EFL1: variants seen among roughly 807,000 people sequenced by gnomAD.
EFL1 encodes elongation factor-like GTPase 1.
In EFL1, 76 loss-of-function variants were observed where a neutral mutation model predicts 126.7. That is an observed-to-expected ratio of 0.60 (90% CI 0.50 to 0.73). EFL1 has a LOEUF of 0.73. EFL1 is among the 30% of genes least tolerant of loss of function. The pLI is 0.00. For synonymous variants in EFL1, 410 were observed against 448.4 expected, an observed-to-expected ratio of 0.91 and a Z score of 1.08; for missense variants, 1,128 against 1,343.2, an observed-to-expected ratio of 0.84 and a Z score of 2.50.
chr15:82,163,579 C>T (rs969502398), intron 16 of EFL1, among the ~76,000 whole-genome samples: 16 of 152,228 alleles, frequency 1.1e-4, no homozygotes, highest in African/African-American at 3.4e-4. Context: ...CTTTGCTAAG[C>T]TACAATCCTA....
At chr15:82,185,603 C>T (rs1439165904) in intron 15 of EFL1, among the ~76,000 whole-genome samples, 4 of 151,906 alleles carry the variant, frequency 2.6e-5, no homozygotes, top group Admixed American at 2.0e-4. Flanking sequence ...CTATAAAAAG[C>T]TTTTACCAAT....
At chr15:82,237,532 TG>T (rs1180224403) in intron 7 of EFL1, among the ~76,000 whole-genome samples, 2 of 152,170 alleles carry the variant, frequency 1.3e-5, no homozygotes, top group Non-Finnish European at 2.9e-5. Flanking sequence ...TTGGAGAAAC[TG>T]GATCACTCAC....
chr15:82,259,675 G>A (rs1002969431), intron 2 of EFL1, among the ~76,000 whole-genome samples: 1 of 152,162 alleles, frequency 6.6e-6, no homozygotes, highest in African/African-American at 2.4e-5. Context: ...TTATTAAGCA[G>A]ACTACATACA....
At chr15:82,195,427 C>T (rs1038959326) in intron 15 of EFL1, among the ~76,000 whole-genome samples, 4 of 152,166 alleles carry the variant, frequency 2.6e-5, no homozygotes, top group Non-Finnish European at 4.4e-5. Flanking sequence ...CACCCAACCT[C>T]GTTGCCTACT....
At position 82,214,715 on chromosome 15, in the gene EFL1, A is replaced by G. The variant is rs769190732; in HGVS notation, c.1750+2T>C. 1 of 1,552,788 alleles carries G rather than the reference A, an allele frequency of 6.4e-7. No homozygotes were observed. Among genetic ancestry groups the G allele is most frequent in the African/African-American group, 1.4e-5 (1 of 72,326 alleles). ...AGGATAAAATAAACAGCATCACCCT[A>G]CCTAGCACATTTCCTGGAGGTACCT... is the stretch of plus-strand genomic sequence containing the variant. On this transcript the variant is annotated splice_donor_variant, in intron 15 of 19. Coordinates refer to ENST00000268206, the MANE Select transcript of EFL1 (RefSeq NM_024580.6). LOFTEE classifies it high-confidence loss of function.
Position 82,259,106 on chromosome 15 carries a change from G to A in EFL1, c.141C>T (p.Ser47=), listed in dbSNP as rs2075090829. 1 of 1,613,968 alleles carries A rather than the reference G, an allele frequency of 6.2e-7. No homozygotes were observed. The highest frequency in any genetic ancestry group is 1.1e-5 in the South Asian group (1 of 91,054). ...DCLISSNGII[S]SRLAGKLRYM... ...AACATACCTTGCCTGCTAGGCGGCTGGAGATGATTCCATTGCTAGATATAA... is the reference window on the plus strand; with the variant it reads ...AACATACCTTGCCTGCTAGGCGGCTAGAGATGATTCCATTGCTAGATATAA... The change falls in exon 3 of 20, where the codon TCC becomes TCT. Residue 47 remains serine (S), a synonymous_variant. Transcript: ENST00000268206.
At position 82,230,948 on chromosome 15, in the gene EFL1, T is replaced by C. The variant is rs370516700; in HGVS notation, c.755A>G (p.Tyr252Cys). The C allele has an allele frequency of 6.2e-7, 1 of 1,612,998 alleles. No homozygotes were observed. The highest frequency in any genetic ancestry group is 1.7e-5 in the Admixed American group (1 of 59,894). The change falls in exon 8 of 20, where the codon TAC (tyrosine) becomes TGC (cysteine). Residue 252 changes from tyrosine to cysteine, a missense_variant. Tyr to Cys is a radical substitution (Grantham distance 194). This residue lies in a region of EFL1 where 316 missense variants were observed against 318.5 expected (regional missense o/e 0.99). Coordinates refer to ENST00000268206, the MANE Select transcript of EFL1 (RefSeq NM_024580.6). ...CTTTTTGATGCCAATTTTTTGACTG[T>C]AGATTCTGGCGAAGTGCTCAATTCT... Reference protein sequence around the residue: ...GFGIEHFARIYSQKIGIKKEV... With the variant: ...GFGIEHFARICSQKIGIKKEV...
chr15:82,148,829 A>G (rs891129934), intron 18 of EFL1, among the ~76,000 whole-genome samples: 4 of 152,248 alleles, frequency 2.6e-5, no homozygotes, highest in African/African-American at 7.2e-5. Flanking sequence ...ACTGCGTTCC[A>G]TAAATTGCAG....
At position 82,163,877 on chromosome 15, in the gene EFL1, C is replaced by T; in HGVS notation, c.1858G>A (p.Val620Ile). 6.2e-7 allele frequency: 1 copy of T among 1,614,076 alleles called. No individual in the cohort carries two copies. Among genetic ancestry groups the T allele is most frequent in the Non-Finnish European group, 8.5e-7 (1 of 1,179,990 alleles). ...CTTGGATGTTTTGGTTCAACAGCAA[C>T]TCTCACAATAGGAGTGGCTTCGAAG... ...LNFEATPIVR[V>I]AVEPKHPSEM... The change falls in exon 16 of 20, where the codon GTT (valine) becomes ATT (isoleucine). Residue 620 changes from valine to isoleucine, a missense_variant. This residue lies in a region of EFL1 where 561 missense variants were observed against 641.7 expected (regional missense o/e 0.87). Transcript: ENST00000268206.
Position 82,240,412 on chromosome 15 carries a change from A to G in EFL1, c.516+6T>C. ...TAAATTTTTTAAATACTAAAAATTA[A>G]AATACCTGTTCTAAAATATTCTTGA... On this transcript the variant is annotated splice_donor_region_variant and intron_variant, in intron 6 of 19. Coordinates refer to ENST00000268206, the MANE Select transcript of EFL1 (RefSeq NM_024580.6). The G allele has an allele frequency of 6.4e-7, 1 of 1,566,612 alleles. No individual in the cohort carries two copies. Among genetic ancestry groups the G allele is most frequent in the Non-Finnish European group, 8.7e-7 (1 of 1,155,458 alleles).
chr15:82,165,905 G>A (rs2141244916), intron 15 of EFL1, among the ~76,000 whole-genome samples: 2 of 152,284 alleles, frequency 1.3e-5, no homozygotes, highest in South Asian at 4.1e-4. Context: ...TGTGCCTCCA[G>A]TGTACTTCTT....
chr15:82,241,798 G>A (rs1454031686), intron 4 of EFL1, among the ~76,000 whole-genome samples: 2 of 152,198 alleles, frequency 1.3e-5, no homozygotes, highest in African/African-American at 4.8e-5. Context: ...GGGCCTGACA[G>A]TAAGAGCTGT....
chr15:82,261,571 G>A, intron 2 of EFL1, 117 bp downstream of exon 2: 1 of 1,000,530 alleles, frequency 1.0e-6, no homozygotes, highest in East Asian at 2.5e-5. Flanking sequence ...TTTAAAGAAA[G>A]AAGACTTGCT....
chr15:82,258,994 C>T, intron 3 of EFL1, 94 bp downstream of exon 3: 2 of 1,138,632 alleles, frequency 1.8e-6, no homozygotes, highest in Non-Finnish European at 2.6e-6. Context: ...TGTTTTATAC[C>T]CTTTTGGATG....
rs766551197 is a variant in EFL1, at chr15:82,151,698, T to A, written c.2756A>T (p.Glu919Val). The part of the protein sequence containing the change: ...DLAKEGQEEN[E>V]TCSGGNENQE... ...GTTTTCATTTCCACCAGAACAGGTT[T>A]CATTTTCCTCCTGTCCCTCTTTTGC... The change falls in exon 18 of 20, where the codon GAA (glutamate) becomes GTA (valine). Residue 919 changes from glutamate (E) to valine (V), a missense_variant. Transcript: ENST00000268206. 7 of 1,614,074 alleles carry A rather than the reference T, an allele frequency of 4.3e-6. No homozygotes were observed. In the African/African-American group the frequency reaches 9.3e-5, roughly 22 times the overall value.
rs570401162 is a variant in EFL1, at chr15:82,218,469, G to T, written c.1611+1183C>A. ...CAAAGACACATTATGCAGAGATAAA[G>T]TGGATTGTTCATGGAATTTGTAATG... On this transcript the variant is annotated intron_variant, in intron 14 of 19. Transcript: ENST00000268206. Among the ~76,000 whole-genome samples the T allele has an allele frequency of 8.3e-3, 1,258 of 152,216 alleles. 17 individuals carry two copies. The highest frequency in any genetic ancestry group is 0.027 in the African/African-American group (1,138 of 41,534).
intron 15 of EFL1, among the ~76,000 whole-genome samples, chr15:82,199,138 C>T (rs1309417992): frequency 6.6e-6 from 1 of 152,060 alleles, no homozygotes; most frequent in Non-Finnish European, 1.5e-5. Context: ...CACATCCTTC[C>T]ACCTCCAAAT....
chr15:82,228,927 C>G (rs1180015499), intron 9 of EFL1, 107 bp downstream of exon 9: 1 of 944,446 alleles, frequency 1.1e-6, no homozygotes, highest in East Asian at 2.7e-5. Flanking sequence ...AAGCTCTGTT[C>G]ATTTTCTCAG....
At chr15:82,208,621 T>C (rs1467399962) in intron 15 of EFL1, among the ~76,000 whole-genome samples, 4 of 152,156 alleles carry the variant, frequency 2.6e-5, no homozygotes, top group African/African-American at 9.7e-5. Flanking sequence ...GAAAAGAATA[T>C]GCAATGATCG....
Sources: allele counts gnomAD v4.1 joint callset (sites outside exome capture counted in the v4.1 genomes callset), GRCh38; gene constraint gnomAD v4.1.1; regional missense constraint gnomAD v4.1.1; transcripts MANE v1.5; gene names NCBI Gene and HGNC (gene_info 2026-07-23, HGNC 2026-07-21).